RALYL: variants seen among roughly 807,000 people sequenced by gnomAD.
The protein encoded by RALYL is RALY RNA binding protein like, also known as RNA-binding Raly-like protein.
In RALYL, 29 loss-of-function variants were observed where a neutral mutation model predicts 35.1. The ratio of observed to expected loss-of-function variants is 0.83; its 90% confidence interval spans 0.61 to 1.13. The LOEUF is 1.13. Ranked by LOEUF, RALYL falls within the 50% of genes most tolerant of loss-of-function variation. The pLI is 0.00. For missense variants in RALYL, 359 were observed against 360.4 expected (o/e 1.00, Z 0.03); for synonymous variants, 120 against 127.6 (o/e 0.94, Z 0.40).
intron 2 of RALYL, among the ~76,000 whole-genome samples, chr8:84,767,480 T>A (rs1042147787): frequency 5.3e-5 from 8 of 152,158 alleles, no homozygotes; most frequent in Admixed American, 3.9e-4. Flanking sequence ...GGAGCAAATT[T>A]TACTTTTTTT....
chr8:84,690,343 G>A (rs576723722), intron 2 of RALYL, among the ~76,000 whole-genome samples: 26 of 152,066 alleles, frequency 1.7e-4, no homozygotes, highest in Admixed American at 8.5e-4. Flanking sequence ...ATCCATAAAA[G>A]CAGATAATAG....
At chr8:84,685,905 A>G (rs1319501084) in intron 2 of RALYL, among the ~76,000 whole-genome samples, 1 of 152,154 alleles carries the variant, frequency 6.6e-6, no homozygotes, top group African/African-American at 2.4e-5. Flanking sequence ...AAGTAGGAGG[A>G]CAGTGAGCTG....
chr8:84,891,271 T>A (rs1053550327), intron 8 of RALYL, among the ~76,000 whole-genome samples: 6 of 152,332 alleles, frequency 3.9e-5, no homozygotes, highest in African/African-American at 1.4e-4. Context: ...AGGGAGGGCA[T>A]GGCCAATTTC....
chr8:84,892,746 C>T lies in RALYL; in HGVS notation c.858+4970C>T, dbSNP rs148494657. Among the ~76,000 whole-genome samples, 843 of 149,376 alleles carry T rather than the reference C, an allele frequency of 5.6e-3. 2 individuals carry two copies. The highest frequency in any genetic ancestry group is 0.01 in the Non-Finnish European group (683 of 67,464). On this transcript the variant is annotated intron_variant, in intron 8 of 8. Coordinates refer to ENST00000521268, the MANE Select transcript of RALYL (RefSeq NM_173848.7). ...TGACTGATTTCCTCATGCACAAAAA[C>T]AGAAAAACTAAACAAAAAACAAGCT...
chr8:84,280,765 AATATAC>A lies in RALYL; in HGVS notation c.-24+96347_-24+96352del, dbSNP rs1350816843. On this transcript the variant is annotated intron_variant, in intron 1 of 8. Transcript: ENST00000521268. ...ATATAACACATATATAAATATATAT[AATATAC>A]ATATATATGTATACATATTTTAACT... 4.0e-5 allele frequency among the ~76,000 whole-genome samples: 6 copies of A among 150,266 alleles called. No individual in the cohort carries two copies. In the South Asian group the frequency reaches 6.3e-4, roughly 16 times the overall value.
At chr8:84,417,653 A>G (rs1289716270) in intron 1 of RALYL, among the ~76,000 whole-genome samples, 1 of 151,940 alleles carries the variant, frequency 6.6e-6, no homozygotes, top group Non-Finnish European at 1.5e-5. Context: ...CTGTCTTCAG[A>G]TATCAACAGT....
intron 2 of RALYL, among the ~76,000 whole-genome samples, chr8:84,751,779 T>C (rs1296161034): frequency 6.6e-6 from 1 of 152,134 alleles, no homozygotes; most frequent in Non-Finnish European, 1.5e-5. Context: ...ATTGAAAGTT[T>C]CCTGAGGCCT....
chr8:84,783,099 GAT>G (rs1818574163), intron 3 of RALYL, among the ~76,000 whole-genome samples: 1 of 78,470 alleles, frequency 1.3e-5, no homozygotes, highest in Admixed American at 1.0e-4. Context: ...AAGATTCCAG[GAT>G]ATGTTTTTCC....
intron 3 of RALYL, among the ~76,000 whole-genome samples, chr8:84,785,817 T>C (rs1039649364): frequency 6.6e-6 from 1 of 152,146 alleles, no homozygotes; most frequent in Non-Finnish European, 1.5e-5. Context: ...AACTTAGCAT[T>C]TGATTAGAGA....
chr8:84,664,821 T>G (rs1831654968), intron 2 of RALYL, among the ~76,000 whole-genome samples: 1 of 152,144 alleles, frequency 6.6e-6, no homozygotes. Flanking sequence ...CTTTATTTCT[T>G]TCTCTCGCCT....
At chr8:84,360,632 A>C (rs1852794033) in intron 1 of RALYL, among the ~76,000 whole-genome samples, 1 of 152,208 alleles carries the variant, frequency 6.6e-6, no homozygotes, top group African/African-American at 2.4e-5. Flanking sequence ...CTTAGATATG[A>C]AGAAATGTTT....
At chr8:84,817,930 C>T (rs1827735101) in intron 4 of RALYL, among the ~76,000 whole-genome samples, 2 of 152,154 alleles carry the variant, frequency 1.3e-5, no homozygotes. Context: ...AAATAAATAT[C>T]AATTATTAAA....
chr8:84,252,465 T>G (rs950491405), intron 1 of RALYL, among the ~76,000 whole-genome samples: 1 of 152,152 alleles, frequency 6.6e-6, no homozygotes, highest in African/African-American at 2.4e-5. Flanking sequence ...TTGTGAAATA[T>G]GCCTAATGTA....
At chr8:84,627,443 G>A (rs1485790485) in intron 2 of RALYL, among the ~76,000 whole-genome samples, 1 of 146,258 alleles carries the variant, frequency 6.8e-6, no homozygotes, top group Non-Finnish European at 1.5e-5. Flanking sequence ...GCTCTCCAGA[G>A]AGAGGTCTTA....
intron 1 of RALYL, among the ~76,000 whole-genome samples, chr8:84,367,588 C>G (rs1322514421): frequency 6.6e-6 from 1 of 151,558 alleles, no homozygotes; most frequent in Non-Finnish European, 1.5e-5. Flanking sequence ...TTTCAGGTGC[C>G]TCACAAAATT....
intron 1 of RALYL, among the ~76,000 whole-genome samples, chr8:84,253,606 C>T (rs1482721312): frequency 6.6e-6 from 1 of 151,976 alleles, no homozygotes; most frequent in Admixed American, 6.6e-5. Context: ...TGCTCTTCAA[C>T]CCCCGGGGTG....
intron 1 of RALYL, among the ~76,000 whole-genome samples, chr8:84,485,454 C>T (rs10106879): frequency 0.039 from 5,981 of 152,132 alleles, 238 homozygotes; most frequent in African/African-American, 0.098. Flanking sequence ...GTGGTGCACG[C>T]CTGCAATCTC....
At chr8:84,536,951 T>C (rs1019591281) in intron 2 of RALYL, among the ~76,000 whole-genome samples, 1 of 152,060 alleles carries the variant, frequency 6.6e-6, no homozygotes. Context: ...TCTAGCTTTT[T>C]CCACTAACTA....
intron 1 of RALYL, among the ~76,000 whole-genome samples, chr8:84,369,880 A>G (rs1855332486): frequency 6.6e-6 from 1 of 152,138 alleles, no homozygotes; most frequent in African/African-American, 2.4e-5. Flanking sequence ...ATCAGTTAAT[A>G]TAATGAATTA....
Sources: gnomAD v4.1 joint callset for allele counts (sites outside exome capture counted in the v4.1 genomes callset) on GRCh38, gnomAD v4.1.1 for gene constraint, MANE v1.5 for transcripts, NCBI Gene and HGNC (gene_info 2026-07-23, HGNC 2026-07-21) for gene names.